Variants in CD99L2 observed in about 807,000 individuals in gnomAD.
The protein encoded by CD99L2 is CD99 molecule like 2.
Under a neutral mutation model 27.3 loss-of-function variants are expected in CD99L2, and 24 were observed. The observed-to-expected ratio is 0.88, with a 90% confidence interval of 0.64 to 1.24. The LOEUF (loss-of-function observed/expected upper bound fraction) is 1.24, where lower values mean the gene tolerates loss of function less well. Ranked by LOEUF, CD99L2 falls within the 50% of genes most tolerant of loss-of-function variation. CD99L2 has a pLI of 0.00. For missense variants in CD99L2, 255 were observed against 221.6 expected (o/e 1.15, Z -0.96); for synonymous variants, 97 against 87.9 (o/e 1.10, Z -0.58).
intron 7 of CD99L2, among the ~76,000 whole-genome samples, chrX:150,792,457 CT>C (rs1197109957): frequency 8.9e-6 from 1 of 111,945 alleles, no homozygotes; most frequent in African/African-American, 3.2e-5. Flanking sequence ...CATTTAGAGG[CT>C]TTTTGTGCTT....
chrX:150,828,711 C>T (rs1557420985), intron 2 of CD99L2: 2 of 111,449 alleles, frequency 1.8e-5, no homozygotes, highest in Non-Finnish European at 3.8e-5. Flanking sequence ...TTTTGTCCAT[C>T]ATATTGGTAA....
intron 7 of CD99L2, among the ~76,000 whole-genome samples, chrX:150,780,700 G>A (rs1356392990): frequency 1.8e-5 from 2 of 110,964 alleles, no homozygotes; most frequent in Non-Finnish European, 3.8e-5. Context: ...AAAAAAGCGG[G>A]CAAAGAACAC....
chrX:150,780,584 A>C (rs1398286992), intron 7 of CD99L2, among the ~76,000 whole-genome samples: 1 of 111,930 alleles, frequency 8.9e-6, no homozygotes, highest in Admixed American at 9.5e-5. Context: ...TGTTTATGGA[A>C]TATATAAGGG....
chrX:150,772,844 TG>T (rs782061405), intron 9 of CD99L2, among the ~76,000 whole-genome samples: 33 of 109,687 alleles, frequency 3.0e-4, no homozygotes, highest in Non-Finnish European at 4.6e-4. Context: ...GCCTCTAGCT[TG>T]GGGAGACAGC....
chrX:150,866,361 C>T (rs1460971607), intron 1 of CD99L2, among the ~76,000 whole-genome samples: 1 of 110,990 alleles, frequency 9.0e-6, no homozygotes, highest in African/African-American at 3.3e-5. Context: ...TGTATCAATA[C>T]TGATTTATTG....
chrX:150,874,794 T>C (rs1186914583), intron 1 of CD99L2, among the ~76,000 whole-genome samples: 1 of 112,307 alleles, frequency 8.9e-6, no homozygotes, highest in Non-Finnish European at 1.9e-5. Context: ...CCTTCACTGA[T>C]CTGGCTCTGT....
intron 1 of CD99L2, among the ~76,000 whole-genome samples, chrX:150,872,410 A>G (rs1389174972): frequency 1.9e-5 from 2 of 106,647 alleles, no homozygotes; most frequent in Non-Finnish European, 3.8e-5. Flanking sequence ...TATGTGAATT[A>G]TACCTCATTA....
intron 1 of CD99L2, 43 bp from the exon 2 acceptor site, chrX:150,831,336 AAAGT>A: frequency 6.8e-6 from 7 of 1,023,160 alleles, no homozygotes; most frequent in Non-Finnish European, 9.5e-6. Context: ...TGCATAAAAC[AAAGT>A]AATAATGAAA....
chrX:150,882,058 C>T (rs906571936), intron 1 of CD99L2, among the ~76,000 whole-genome samples: 41 of 110,602 alleles, frequency 3.7e-4, no homozygotes, highest in Non-Finnish European at 6.4e-4. Context: ...CCTTGTGATC[C>T]GCCCGCCTCG....
At chrX:150,844,690 A>T (rs1361085070) in intron 1 of CD99L2, among the ~76,000 whole-genome samples, 1 of 112,170 alleles carries the variant, frequency 8.9e-6, no homozygotes, top group Non-Finnish European at 1.9e-5. Flanking sequence ...TACTAAATGG[A>T]TTTAGCTATT....
chrX:150,879,750 T>TAAAAAAAAA (rs60706288), intron 1 of CD99L2, among the ~76,000 whole-genome samples: 1 of 19,383 alleles, frequency 5.2e-5, no homozygotes, highest in African/African-American at 2.3e-4. Context: ...CTACAAAAAC[T>TAAAAAAAAA]AAAAAAAAAA....
rs1276641815 is a variant in CD99L2 at position 150,867,929 on chromosome X, A to G, written c.67+30593T>C. Among the ~76,000 whole-genome samples, 127 of 102,663 alleles carry G rather than the reference A, an allele frequency of 1.2e-3. 4 individuals carry two copies. Among genetic ancestry groups the G allele is most frequent in the Non-Finnish European group, 2.8e-4 (14 of 50,526 alleles). The allele number at this position is 102,663 out of a possible 115,157, so 89.2% of individuals were successfully genotyped here. ...AAAAAAAAAAAAAAAAAAACCTACAAAAATTAGCTGGGCGTGGTAGCACAT... is the reference window on the plus strand; with the variant it reads ...AAAAAAAAAAAAAAAAAAACCTACAGAAATTAGCTGGGCGTGGTAGCACAT... On this transcript the variant is annotated intron_variant, in intron 1 of 10. Coordinates refer to ENST00000370377, the MANE Select transcript of CD99L2 (RefSeq NM_031462.4).
intron 1 of CD99L2, among the ~76,000 whole-genome samples, chrX:150,888,818 A>T (rs1172441761): frequency 1.8e-5 from 2 of 110,644 alleles, no homozygotes; most frequent in African/African-American, 6.6e-5. Context: ...ACATGTGAGT[A>T]AAAAAAAACC....
At chrX:150,884,262 C>T (rs1372086497) in intron 1 of CD99L2, among the ~76,000 whole-genome samples, 1 of 111,845 alleles carries the variant, frequency 8.9e-6, no homozygotes, top group Non-Finnish European at 1.9e-5. Context: ...AACCATATGA[C>T]ACAAGCACAC....
intron 7 of CD99L2, among the ~76,000 whole-genome samples, chrX:150,784,070 C>T (rs1297947405): frequency 9.0e-6 from 1 of 111,291 alleles, no homozygotes; most frequent in Non-Finnish European, 1.9e-5. Flanking sequence ...GTAGACACTG[C>T]TTAGGGGATC....
At chrX:150,869,468 C>T (rs781867708) in intron 1 of CD99L2, among the ~76,000 whole-genome samples, 11 of 112,598 alleles carry the variant, frequency 9.8e-5, no homozygotes, top group Non-Finnish European at 1.7e-4. Context: ...TACTCTAGTT[C>T]ATTTCCACTT....
chrX:150,843,593 G>A (rs1557421400), intron 1 of CD99L2, among the ~76,000 whole-genome samples: 1 of 110,490 alleles, frequency 9.1e-6, no homozygotes, highest in African/African-American at 3.3e-5. Context: ...AGAGGTTGCA[G>A]TGAGCCAAGA....
intron 1 of CD99L2, among the ~76,000 whole-genome samples, chrX:150,892,322 G>A (rs1460890659): frequency 9.0e-6 from 1 of 110,744 alleles, no homozygotes; most frequent in Admixed American, 9.6e-5. Context: ...GAACAGAACA[G>A]GAGGCCGGGC....
chrX:150,815,733 T>C (rs1557420461), intron 3 of CD99L2, among the ~76,000 whole-genome samples: 1 of 112,366 alleles, frequency 8.9e-6, no homozygotes, highest in Admixed American at 9.4e-5. Context: ...TTTTCCCTGA[T>C]TTTAGAAAAT....
Sources: allele counts gnomAD v4.1 joint callset (sites outside exome capture counted in the v4.1 genomes callset), GRCh38; gene constraint gnomAD v4.1.1; transcripts MANE v1.5; gene names NCBI Gene and HGNC (gene_info 2026-07-23, HGNC 2026-07-21).